ZNF334: variants seen among roughly 807,000 people sequenced by gnomAD.
ZNF334 encodes zinc finger protein 334.
A neutral mutation model predicts 12.4 loss-of-function variants in ZNF334; 14 were observed. The ratio of observed to expected loss-of-function variants is 1.13; its 90% CI spans 0.74 to 1.76. The LOEUF is 1.76. Ranked by LOEUF, ZNF334 falls within the 40% of genes most tolerant of loss-of-function variation. ZNF334 has a pLI of 0.00. For missense variants in ZNF334, 797 were observed against 804.5 expected, an observed-to-expected ratio of 0.99 and a Z score of 0.11; for synonymous variants, 273 against 269.6, an observed-to-expected ratio of 1.01 and a Z score of -0.12.
the ZNF334 span, among the ~76,000 whole-genome samples, chr20:46,483,170 T>G: frequency 6.6e-6 from 1 of 152,234 alleles, no homozygotes; most frequent in African/African-American, 2.4e-5. Context: ...AAGCAAGACT[T>G]GCTGCTAATA....
At chr20:46,488,137 G>A in the ZNF334 span, among the ~76,000 whole-genome samples, 1 of 151,634 alleles carries the variant, frequency 6.6e-6, no homozygotes, top group South Asian at 2.1e-4. Flanking sequence ...TTATTGATAT[G>A]GTTAGGCTTG....
the ZNF334 span, among the ~76,000 whole-genome samples, chr20:46,487,297 T>C: frequency 6.6e-6 from 1 of 152,212 alleles, no homozygotes; most frequent in Non-Finnish European, 1.5e-5. Flanking sequence ...CCATTTTCTC[T>C]GAACAATGAG....
downstream of ZNF334, among the ~76,000 whole-genome samples, chr20:46,495,128 CAAA>C (rs781722689): frequency 6.6e-6 from 1 of 152,012 alleles, no homozygotes; most frequent in Non-Finnish European, 1.5e-5. Flanking sequence ...AATTTAGGCT[CAAA>C]ATATCATCTG....
chr20:46,488,419 T>TTATTTATTTATATATATATATATATATA, the ZNF334 span, among the ~76,000 whole-genome samples: 1 of 102,240 alleles, frequency 9.8e-6, no homozygotes, highest in African/African-American at 4.3e-5. Flanking sequence ...AGCTCTTATT[T>TTATTTATTTATATATATATATATATATA]TATATATATA....
chr20:46,479,348 AG>A, the ZNF334 span, among the ~76,000 whole-genome samples: 3 of 152,158 alleles, frequency 2.0e-5, no homozygotes, highest in East Asian at 5.8e-4. Flanking sequence ...CAAAAATCCC[AG>A]GCCCCCCAAC....
downstream of ZNF334, among the ~76,000 whole-genome samples, chr20:46,494,831 T>C (rs1409040083): frequency 1.3e-5 from 2 of 152,166 alleles, no homozygotes; most frequent in Non-Finnish European, 2.9e-5. Flanking sequence ...TATCCCAAAT[T>C]CACCATCACT....
the ZNF334 span, among the ~76,000 whole-genome samples, chr20:46,466,390 G>C: frequency 6.6e-6 from 1 of 151,986 alleles, no homozygotes; most frequent in Middle Eastern, 3.2e-3. Context: ...TGAATATGAA[G>C]GGTAGGTAAT....
the ZNF334 span, among the ~76,000 whole-genome samples, chr20:46,486,391 G>A: frequency 1.3e-5 from 2 of 152,094 alleles, no homozygotes; most frequent in Non-Finnish European, 2.9e-5. Context: ...TCCAGCCTGG[G>A]CAACAGAGTG....
chr20:46,465,054 G>A, the ZNF334 span: 2 of 318,874 alleles, frequency 6.3e-6, no homozygotes, highest in Admixed American at 7.3e-5. Context: ...GTCAGAGAGG[G>A]AATGCAAGTA....
downstream of ZNF334, chr20:46,499,528 G>A (rs547874357): frequency 6.6e-6 from 1 of 152,044 alleles, no homozygotes; most frequent in East Asian, 1.9e-4. Context: ...TCCTGCTTGG[G>A]GTTCATTAAA....
the ZNF334 span, among the ~76,000 whole-genome samples, chr20:46,471,049 A>G: frequency 6.6e-6 from 1 of 152,218 alleles, no homozygotes; most frequent in Non-Finnish European, 1.5e-5. Flanking sequence ...CTTTCTGGAA[A>G]TTGTAAAAAT....
At chr20:46,509,615 T>C (rs771412316) in intron 2 of ZNF334, 10 of 703,028 alleles carry the variant, frequency 1.4e-5, no homozygotes, top group Non-Finnish European at 2.6e-5. Flanking sequence ...CTCCTTCTCA[T>C]TTTCCATTTC....
At chr20:46,484,657 C>A in the ZNF334 span, 64,980 of 166,930 alleles carry the variant, frequency 0.39, 14,927 homozygotes, top group African/African-American at 0.65. Context: ...ATATCTGCAA[C>A]ACTCCCTGAA....
chr20:46,501,875 A>T lies in ZNF334; in HGVS notation c.1464T>A (p.His488Gln). ...TTCTACCACATTTATTAAACACACC[A>T]TGTTTCTCTCCTGTGTGTGTTCTCT... is the stretch of plus-strand genomic sequence containing the variant. ...IHQRTHTGEK[H>Q]GVFNKCGRIS... Residue 488 changes from histidine (H) to glutamine (Q), a missense_variant, in exon 5 of 5, where the codon CAT becomes CAA. Transcript: ENST00000692313. 6.2e-7 allele frequency: 1 copy of T among 1,611,140 alleles called. No individual in the cohort carries two copies. The highest frequency in any genetic ancestry group is 1.7e-5 in the Admixed American group (1 of 59,762).
At chr20:46,477,059 C>T in the ZNF334 span, 3 of 152,132 alleles carry the variant, frequency 2.0e-5, no homozygotes, top group African/African-American at 4.8e-5. Context: ...AAAATAATGC[C>T]TGTTTTCCGG....
At position 46,503,089 on chromosome 20, in the gene ZNF334, C is replaced by A; in HGVS notation, c.250G>T (p.Asp84Tyr). ...ATTTCCTTGTTCTTCTCTAAGGCATCATCAATGTCTAGAAAAAGGAACACA... is the reference window on the plus strand; with the variant it reads ...ATTTCCTTGTTCTTCTCTAAGGCATAATCAATGTCTAGAAAAAGGAACACA... ...FSNQNYPDID[D>Y]ALEKNKEIQD... Residue 84 changes from aspartate to tyrosine, a missense_variant, in exon 5 of 5, where the codon GAT becomes TAT. Transcript: ENST00000692313. 6.3e-7 allele frequency: 1 copy of A among 1,592,472 alleles called. No individual in the cohort carries two copies. Among genetic ancestry groups the A allele is most frequent in the Admixed American group, 1.8e-5 (1 of 56,118 alleles).
At position 46,500,827 on chromosome 20, in the gene ZNF334, A is replaced by C. The variant is rs746901952; in HGVS notation, c.*469T>G. The stretch of plus-strand genomic sequence containing the variant: ...TAAAGGTATACAGTCCACTACTAGA[A>C]GACTATGGAGTTAGCAGACAACAAA... On this transcript the variant is annotated 3_prime_UTR_variant, in exon 5 of 5. Transcript: ENST00000692313. The C allele has an allele frequency of 7.9e-5, 14 of 177,784 alleles. No individual in the cohort carries two copies. The highest frequency in any genetic ancestry group is 1.2e-4 in the Non-Finnish European group (10 of 82,994). 11.0% of individuals were successfully genotyped at this position (177,784 alleles called of 1,614,324 possible).
rs2061186197 is a variant in ZNF334 at position 46,501,790 on chromosome 20, A to T, written c.1549T>A (p.Tyr517Asn). 1 of 1,614,058 alleles carries T rather than the reference A, an allele frequency of 6.2e-7. No individual in the cohort carries two copies. The highest frequency in any genetic ancestry group is 1.3e-5 in the African/African-American group (1 of 74,916). ...GCATGCCCATGTTCACTACACTCAT[A>T]AAGATTCTCCTTTGTGTTCATTCTC... The part of the protein sequence containing the change: ...CKRMNTKENL[Y>N]ECSEHGHAVS... Residue 517 changes from tyrosine to asparagine, a missense_variant, in exon 5 of 5, where the codon TAT becomes AAT. By Grantham distance (143) the Tyr-to-Asn change is moderately radical. Transcript: ENST00000692313.
intron 2 of ZNF334, 101 bp downstream of exon 2, chr20:46,511,981 C>T: frequency 1.7e-6 from 2 of 1,181,230 alleles, no homozygotes; most frequent in East Asian, 2.4e-5. Context: ...GAATACTCTT[C>T]TCTGATGCTG....
Sources: allele counts gnomAD v4.1 joint callset (sites outside exome capture counted in the v4.1 genomes callset), GRCh38; gene constraint gnomAD v4.1.1; transcripts MANE v1.5; gene names NCBI Gene and HGNC (gene_info 2026-07-23, HGNC 2026-07-21).